Variants in SPOCK1 observed in about 807,000 individuals in gnomAD.
The protein encoded by SPOCK1 is testican-1.
Under a neutral mutation model 55.3 loss-of-function variants are expected in SPOCK1, and 23 were observed. The observed-to-expected ratio is 0.42, with a 90% confidence interval of 0.30 to 0.59. SPOCK1 has a LOEUF of 0.59. Among genes scored for constraint, SPOCK1 ranks in the 20% least tolerant of loss-of-function variants. The pLI is 0.22. For missense variants in SPOCK1, 499 were observed against 552.5 expected (o/e 0.90, Z 0.97); for synonymous variants, 226 against 221.0 (o/e 1.02, Z -0.20).
At chr5:137,232,512 G>A (rs946125618) in intron 3 of SPOCK1, among the ~76,000 whole-genome samples, 2 of 152,048 alleles carry the variant, frequency 1.3e-5, no homozygotes, top group African/African-American at 4.8e-5. Flanking sequence ...TCTCTTTCTG[G>A]GTTATCTATT....
rs187504284 is a variant in SPOCK1, at chr5:137,483,488, G to A, written c.186+14885C>T. On this transcript the variant is annotated intron_variant, in intron 2 of 10. Transcript: ENST00000394945. ...AATGTTGTCTGTTTTGTTCAGAGCTGTGTCCCAGAGCCTAGGAGAGTACCT... is the reference window on the plus strand; with the variant it reads ...AATGTTGTCTGTTTTGTTCAGAGCTATGTCCCAGAGCCTAGGAGAGTACCT... Among the ~76,000 whole-genome samples, 8 of 152,324 alleles carry A rather than the reference G, an allele frequency of 5.3e-5. No individual in the cohort carries two copies. The South Asian group carries it at 8.3e-4, about 16-fold the overall frequency.
At chr5:137,433,087 T>TAGC (rs1752783699) in intron 2 of SPOCK1, among the ~76,000 whole-genome samples, 1 of 152,226 alleles carries the variant, frequency 6.6e-6, no homozygotes. Context: ...AGGTAAGATG[T>TAGC]AGCACCTGCC....
At chr5:137,296,315 C>T (rs368688932) in intron 2 of SPOCK1, among the ~76,000 whole-genome samples, 1 of 152,150 alleles carries the variant, frequency 6.6e-6, no homozygotes. Context: ...AATATGCATG[C>T]CTTTCTCAAA....
intron 2 of SPOCK1, among the ~76,000 whole-genome samples, chr5:137,438,693 T>C (rs911691806): frequency 6.6e-6 from 1 of 152,050 alleles, no homozygotes; most frequent in Non-Finnish European, 1.5e-5. Flanking sequence ...CTGAACCTGA[T>C]GACCTGTTTG....
At chr5:137,209,902 G>A (rs189359018) in intron 3 of SPOCK1, among the ~76,000 whole-genome samples, 1 of 152,250 alleles carries the variant, frequency 6.6e-6, no homozygotes, top group Admixed American at 6.5e-5. Context: ...TTATGCTCTT[G>A]GGCATTAAGA....
chr5:136,985,108 T>A (rs1750813229), intron 9 of SPOCK1, 32 bp downstream of exon 9: 3 of 1,605,430 alleles, frequency 1.9e-6, no homozygotes, highest in Non-Finnish European at 2.6e-6. Context: ...CTTAATTAGT[T>A]GTTTAAATGA....
intron 2 of SPOCK1, among the ~76,000 whole-genome samples, chr5:137,306,942 C>T (rs1157105164): frequency 6.6e-6 from 1 of 152,186 alleles, no homozygotes; most frequent in Non-Finnish European, 1.5e-5. Flanking sequence ...GTTTACTGCT[C>T]TCTCTGGAAA....
intron 2 of SPOCK1, among the ~76,000 whole-genome samples, chr5:137,453,314 T>C (rs1302463364): frequency 6.6e-6 from 1 of 152,214 alleles, no homozygotes; most frequent in Non-Finnish European, 1.5e-5. Context: ...CTGCTTCATA[T>C]ACACCTCTCA....
rs148048839 is a variant in SPOCK1, at chr5:137,157,276, T to A, written c.233-16582A>T. 7.2e-5 allele frequency among the ~76,000 whole-genome samples: 11 copies of A among 152,334 alleles called. 1 individual carries two copies. In the East Asian group the frequency reaches 2.1e-3, roughly 29 times the overall value. On this transcript the variant is annotated intron_variant, in intron 3 of 10. Transcript: ENST00000394945. ...ATGGGAATGCTCCAGGAGGATTAGT[T>A]TTCTTCAGTTTAAAAGCAGTTCCCA... is the stretch of plus-strand genomic sequence containing the variant.
intron 6 of SPOCK1, among the ~76,000 whole-genome samples, chr5:137,000,996 C>T (rs952806021): frequency 6.6e-6 from 1 of 152,136 alleles, no homozygotes; most frequent in Admixed American, 6.6e-5. Context: ...GAGTGAAACT[C>T]CGTCTCAAAA....
intron 3 of SPOCK1, among the ~76,000 whole-genome samples, chr5:137,172,110 G>T (rs578139060): frequency 6.6e-6 from 1 of 152,232 alleles, no homozygotes; most frequent in African/African-American, 2.4e-5. Flanking sequence ...AAACAATGCA[G>T]CCCTGGCCCT....
intron 2 of SPOCK1, among the ~76,000 whole-genome samples, chr5:137,297,903 C>T (rs1051603127): frequency 6.6e-6 from 1 of 151,998 alleles, no homozygotes. Context: ...CAGAAAAGAG[C>T]GTGGTACAAT....
chr5:137,468,718 A>G (rs1753672367), intron 2 of SPOCK1, among the ~76,000 whole-genome samples: 2 of 152,226 alleles, frequency 1.3e-5, no homozygotes, highest in South Asian at 4.1e-4. Flanking sequence ...GCTGAAAGTC[A>G]GCTTTGGGAA....
At chr5:137,003,062 T>C (rs1373501143) in intron 6 of SPOCK1, among the ~76,000 whole-genome samples, 1 of 152,224 alleles carries the variant, frequency 6.6e-6, no homozygotes, top group Non-Finnish European at 1.5e-5. Context: ...TTATTTTTAA[T>C]GCTCTGCTCA....
intron 6 of SPOCK1, among the ~76,000 whole-genome samples, chr5:137,034,102 G>C (rs1297681447): frequency 5.9e-5 from 9 of 152,196 alleles, no homozygotes; most frequent in African/African-American, 2.2e-4. Context: ...ATAACCAGCA[G>C]GTGAATGACT....
At chr5:137,044,362 C>G (rs1752064351) in intron 6 of SPOCK1, among the ~76,000 whole-genome samples, 1 of 152,068 alleles carries the variant, frequency 6.6e-6, no homozygotes, top group Non-Finnish European at 1.5e-5. Context: ...AAGTTTTAAC[C>G]AAAGCATTAA....
chr5:137,224,310 T>A (rs1755909501), intron 3 of SPOCK1, among the ~76,000 whole-genome samples: 2 of 152,222 alleles, frequency 1.3e-5, no homozygotes, highest in African/African-American at 4.8e-5. Context: ...AATGGTGAGA[T>A]GCTGAACAGA....
chr5:137,166,825 A>C (rs530715435), intron 3 of SPOCK1, among the ~76,000 whole-genome samples: 5,623 of 152,180 alleles, frequency 0.037, 143 homozygotes, highest in Non-Finnish European at 0.051. Context: ...AATACACAAA[A>C]AACAAAAGGC....
At chr5:137,055,028 A>G in intron 6 of SPOCK1, among the ~76,000 whole-genome samples, 1 of 152,128 alleles carries the variant, frequency 6.6e-6, no homozygotes, top group East Asian at 1.9e-4. Context: ...AGAGACCACA[A>G]TGGTAGTATG....
Sources: allele counts gnomAD v4.1 joint callset (sites outside exome capture counted in the v4.1 genomes callset), GRCh38; gene constraint gnomAD v4.1.1; transcripts MANE v1.5; gene names NCBI Gene and HGNC (gene_info 2026-07-23, HGNC 2026-07-21).